Variants in KMT2E observed in about 807,000 individuals in gnomAD.
KMT2E encodes lysine methyltransferase 2E (inactive), also known as histone reader KMT2E.
In KMT2E, 30 loss-of-function variants were observed where a neutral mutation model predicts 184.6. The observed-to-expected ratio is 0.16, with a 90% CI of 0.12 to 0.22. The LOEUF is 0.22. Among genes scored for constraint, KMT2E ranks in the 10% least tolerant of loss-of-function variants. The pLI is 1.00. For missense variants in KMT2E, 2,023 were observed against 2,237.4 expected (o/e 0.90, Z 1.93); for synonymous variants, 815 against 776.5 (o/e 1.05, Z -0.82).
chr7:105,023,229 C>A lies in KMT2E; in HGVS notation c.-189+8694C>A, dbSNP rs554929604. Among the ~76,000 whole-genome samples the A allele has an allele frequency of 2.0e-5, 3 of 151,824 alleles. No homozygotes were observed. In the East Asian group the frequency reaches 5.9e-4, roughly 30 times the overall value. On this transcript the variant is annotated intron_variant, in intron 1 of 26. Transcript: ENST00000311117. ...TCTCCAATAAAAAAATCCATTACCC[C>A]GTCTCTACTAAAAATACAAAAAATT...
rs1799538509 is a variant in KMT2E, at chr7:105,114,836, C to T, written c.*1503C>T. On this transcript the variant is annotated 3_prime_UTR_variant, in exon 27 of 27. Transcript: ENST00000311117. Reference sequence around the variant, plus strand: ...ACTTAGGGCTCAATCCTAATCACAGCTTCAAATTTTAGAAGAACATATAGG... The same window carrying T: ...ACTTAGGGCTCAATCCTAATCACAGTTTCAAATTTTAGAAGAACATATAGG... Among the ~76,000 whole-genome samples the T allele has an allele frequency of 6.6e-6, 1 of 152,148 alleles. No homozygotes were observed. The highest frequency in any genetic ancestry group is 1.5e-5 in the Non-Finnish European group (1 of 68,030).
In KMT2E at chr7:105,113,577, A is replaced by C; in HGVS notation, c.*244A>C. The C allele has an allele frequency of 1.7e-5, 6 of 358,706 alleles. No individual in the cohort carries two copies. The highest frequency in any genetic ancestry group is 2.1e-5 in the African/African-American group (1 of 46,530). The allele number at this position is 358,706 out of a possible 1,614,324, so 22.2% of individuals were successfully genotyped here. A position where few individuals can be genotyped will look rare whatever the true frequency, so the allele number is the denominator to read the frequency against. On this transcript the variant is annotated 3_prime_UTR_variant, in exon 27 of 27. Transcript: ENST00000311117. ...CAGCTGTTTTTTTCTGGCAGATCTG[A>C]TGCTGATTTGATGCTGTATGATCTT...
chr7:105,112,787 A>AGCC lies in KMT2E; in HGVS notation c.5031_5032insGCC (p.Leu1677_Pro1678insAla). On this transcript the variant is annotated inframe_insertion, in exon 27 of 27. Coordinates refer to ENST00000311117, the MANE Select transcript of KMT2E (RefSeq NM_182931.3). The stretch of plus-strand genomic sequence containing the variant: ...ATTCTCAAACTGCTGGACACCACTT[A>AGCC]CCCCCACCCCCACCCCCTCCTGGTC... The AGCC allele has an allele frequency of 6.8e-7, 1 of 1,462,822 alleles. No homozygotes were observed. The highest frequency in any genetic ancestry group is 9.3e-7 in the Non-Finnish European group (1 of 1,080,410). 90.6% of individuals were successfully genotyped at this position (1,462,822 alleles called of 1,614,324 possible). A position where few individuals can be genotyped will look rare whatever the true frequency, so the allele number is the denominator to read the frequency against.
At chr7:105,037,822 T>G (rs756642564) in intron 1 of KMT2E, among the ~76,000 whole-genome samples, 5 of 152,008 alleles carry the variant, frequency 3.3e-5, no homozygotes, top group Admixed American at 6.6e-5. Context: ...TATTGTTGCC[T>G]TTGCTAAATC....
At chr7:105,049,815 C>A (rs562580456) in intron 3 of KMT2E, among the ~76,000 whole-genome samples, 1 of 152,036 alleles carries the variant, frequency 6.6e-6, no homozygotes, top group East Asian at 1.9e-4. Context: ...TGCTTGAACT[C>A]GGGAGGCAGA....
At chr7:105,095,656 T>C (rs1798376539) in intron 15 of KMT2E, among the ~76,000 whole-genome samples, 1 of 152,352 alleles carries the variant, frequency 6.6e-6, no homozygotes, top group South Asian at 2.1e-4. Context: ...TAAGAAGTCG[T>C]TACCTGCTTT....
chr7:105,015,723 C>A (rs983161431), intron 1 of KMT2E, among the ~76,000 whole-genome samples: 1 of 152,124 alleles, frequency 6.6e-6, no homozygotes, highest in Non-Finnish European at 1.5e-5. Context: ...GGGTCCTCCA[C>A]ACCCCATGCA....
intron 17 of KMT2E, 77 bp from the exon 18 acceptor site, chr7:105,105,356 CCAATTT>C: frequency 2.0e-6 from 2 of 1,012,318 alleles, no homozygotes; most frequent in Non-Finnish European, 2.9e-6. Context: ...AGATAATACA[CCAATTT>C]CAAATCTGGT....
In KMT2E at chr7:105,113,782, A is replaced by T. The variant is rs1468112073; in HGVS notation, c.*449A>T. The T allele has an allele frequency of 6.4e-6, 1 of 156,734 alleles. No homozygotes were observed. Among genetic ancestry groups the T allele is most frequent in the African/African-American group, 2.4e-5 (1 of 41,576 alleles). The allele number at this position is 156,734 out of a possible 1,614,324, so 9.7% of individuals were successfully genotyped here. ...CAGATTTTTATATTTTGGTGTGGAC[A>T]TGGCTCATTTTGTTTTACCAGTTAT... is the stretch of plus-strand genomic sequence containing the variant. On this transcript the variant is annotated 3_prime_UTR_variant, in exon 27 of 27. Transcript: ENST00000311117.
At chr7:105,073,130 CA>C (rs1201413592) in intron 6 of KMT2E, among the ~76,000 whole-genome samples, 3 of 150,652 alleles carry the variant, frequency 2.0e-5, no homozygotes, top group African/African-American at 7.3e-5. Context: ...TTTTCTTGGC[CA>C]TTCACTGTGG....
At chr7:105,082,133 A>G in intron 13 of KMT2E, among the ~76,000 whole-genome samples, 1 of 152,228 alleles carries the variant, frequency 6.6e-6, no homozygotes, top group East Asian at 1.9e-4. Flanking sequence ...TATTTGGTTA[A>G]TCAGTATGAA....
At chr7:105,095,152 T>G (rs1798352148) in intron 15 of KMT2E, among the ~76,000 whole-genome samples, 1 of 152,180 alleles carries the variant, frequency 6.6e-6, no homozygotes, top group African/African-American at 2.4e-5. Context: ...TTTAGAAGTA[T>G]TCACAAAAAT....
intron 1 of KMT2E, among the ~76,000 whole-genome samples, chr7:105,023,583 T>C (rs1313724750): frequency 6.6e-6 from 1 of 151,612 alleles, no homozygotes; most frequent in Non-Finnish European, 1.5e-5. Flanking sequence ...TAGCAGGGAC[T>C]ACAGGTGCCC....
chr7:105,106,662 C>T lies in KMT2E; in HGVS notation c.2737C>T (p.Pro913Ser). The T allele has an allele frequency of 6.2e-7, 1 of 1,614,078 alleles. No individual in the cohort carries two copies. The highest frequency in any genetic ancestry group is 2.2e-5 in the East Asian group (1 of 44,870). The change falls in exon 20 of 27, where the codon CCT (proline) becomes TCT (serine). Residue 913 changes from proline (P) to serine (S), a missense_variant. Coordinates refer to ENST00000311117, the MANE Select transcript of KMT2E (RefSeq NM_182931.3). ...ITPMDPSFAT[P>S]PRIKSDDETC... ...TCCTATGGACCCATCTTTTGCCACG[C>T]CTCCACGGATAAAATCAGATGATGA...
At chr7:105,035,934 T>C (rs1053664630) in intron 1 of KMT2E, among the ~76,000 whole-genome samples, 5 of 152,208 alleles carry the variant, frequency 3.3e-5, no homozygotes, top group Non-Finnish European at 5.9e-5. Flanking sequence ...ACAGATTAAA[T>C]GTAAGTTTGT....
At chr7:105,106,919 T>C in intron 20 of KMT2E, 147 bp downstream of exon 20, 1 of 848,030 alleles carries the variant, frequency 1.2e-6, no homozygotes, top group Non-Finnish European at 1.8e-6. Context: ...AATTCATTTA[T>C]ATGAATTTAG....
chr7:105,062,301 A>G (rs1796847527), intron 4 of KMT2E, 23 bp downstream of exon 4: 1 of 1,495,784 alleles, frequency 6.7e-7, no homozygotes, highest in Non-Finnish European at 9.2e-7. Flanking sequence ...CACTTCTTTG[A>G]AAAAACATTT....
intron 1 of KMT2E, among the ~76,000 whole-genome samples, chr7:105,024,870 ACT>A (rs1247130922): frequency 3.3e-5 from 5 of 151,912 alleles, no homozygotes; most frequent in Admixed American, 6.6e-5. Context: ...CAAATGACAG[ACT>A]CTCTGTCTAC....
At chr7:105,054,111 G>T (rs1350833029) in intron 3 of KMT2E, among the ~76,000 whole-genome samples, 1 of 151,368 alleles carries the variant, frequency 6.6e-6, no homozygotes, top group Non-Finnish European at 1.5e-5. Flanking sequence ...GGTGGAGCTT[G>T]TAGTGAGCTG....
Sources: allele counts gnomAD v4.1 joint callset (sites outside exome capture counted in the v4.1 genomes callset), GRCh38; gene constraint gnomAD v4.1.1; transcripts MANE v1.5; gene names NCBI Gene and HGNC (gene_info 2026-07-23, HGNC 2026-07-21).